SOBP: variants seen among roughly 807,000 people sequenced by gnomAD.
SOBP encodes the protein sine oculis binding protein homolog.
Under a neutral mutation model 53.6 loss-of-function variants are expected in SOBP, and 4 were observed. That is an observed-to-expected ratio of 0.07 (90% confidence interval 0.04 to 0.17). The LOEUF is 0.17. Ranked by LOEUF, SOBP falls within the 10% of genes least tolerant of loss-of-function variation. The probability of loss-of-function intolerance (pLI) is 1.00; values close to 1 mark genes in which losing one functional copy is unlikely to be tolerated. For synonymous variants in SOBP, 584 were observed against 522.6 expected, an observed-to-expected ratio of 1.12 and a Z score of -1.60; for missense variants, 1,088 against 1,204.7, an observed-to-expected ratio of 0.90 and a Z score of 1.43.
chr6:107,566,576 C>T (rs563195301), intron 4 of SOBP, among the ~76,000 whole-genome samples: 4 of 152,300 alleles, frequency 2.6e-5, no homozygotes, highest in South Asian at 2.1e-4. Context: ...CCTTCTCTCA[C>T]GGTGTCTCTG....
At chr6:107,503,573 A>T (rs1782898417) in intron 1 of SOBP, 84 bp from the exon 2 acceptor site, 2 of 1,460,748 alleles carry the variant, frequency 1.4e-6, no homozygotes, top group East Asian at 4.5e-5. Context: ...TAAATGAGGT[A>T]GGACAAGCAG....
rs913300796 is a variant in SOBP, at chr6:107,490,829, C to T, written c.96+117C>T. 5.2e-6 allele frequency: 4 copies of T among 771,380 alleles called. No homozygotes were observed. The Admixed American group carries it at 6.2e-5, about 12-fold the overall frequency. The allele number at this position is 771,380 out of a possible 1,614,324, so 47.8% of individuals were successfully genotyped here. On this transcript the variant is annotated intron_variant, in intron 1 of 6. Transcript: ENST00000317357. ...GCGCTTGTCAGTTTCTGTAGGATGC[C>T]CAGAACGGCTCCGCTCCTCCTCCAG...
Position 107,635,034 on chromosome 6 carries a change from C to T in SOBP, c.2190C>T (p.Ala730=), listed in dbSNP as rs1026644252. The T allele has an allele frequency of 3.2e-6, 4 of 1,250,402 alleles. No individual in the cohort carries two copies. The highest frequency in any genetic ancestry group is 8.8e-5 in the Admixed American group (2 of 22,802). The allele number at this position is 1,250,402 out of a possible 1,614,324, so 77.5% of individuals were successfully genotyped here. ...CNVIVNGTRG[A]AAEGAKSAEP... ...TCATCGTGAACGGCACGCGCGGCGC[C>T]GCCGCCGAGGGCGCTAAGAGCGCGG... The change falls in exon 6 of 7, where the codon GCC becomes GCT. Residue 730 remains alanine (A), a synonymous_variant. Transcript: ENST00000317357. The surrounding 1 kb of genome is among the most constrained non-coding windows in gnomAD (Gnocchi z 4.5).
intron 3 of SOBP, among the ~76,000 whole-genome samples, chr6:107,531,190 G>A (rs1345374785): frequency 1.3e-5 from 2 of 152,226 alleles, no homozygotes; most frequent in Admixed American, 1.3e-4. Flanking sequence ...TTATTTAAAG[G>A]AAGAAATAAT....
rs1433314304 is a variant in SOBP, at chr6:107,658,584, A to C, written c.*381A>C. ...TCAGCGACTGAGGCTGGAAGATGAT[A>C]TGGATTGGAACACAAAAAATCTTTT... On this transcript the variant is annotated 3_prime_UTR_variant, in exon 7 of 7. Coordinates refer to ENST00000317357, the MANE Select transcript of SOBP (RefSeq NM_018013.4). 1 of 152,646 alleles carries C rather than the reference A, an allele frequency of 6.6e-6. No individual in the cohort carries two copies. Among genetic ancestry groups the C allele is most frequent in the Admixed American group, 6.5e-5 (1 of 15,286 alleles). The allele number at this position is 152,646 out of a possible 1,614,324, so 9.5% of individuals were successfully genotyped here.
intron 1 of SOBP, among the ~76,000 whole-genome samples, chr6:107,498,158 C>T (rs1301701058): frequency 1.3e-5 from 2 of 152,280 alleles, no homozygotes; most frequent in East Asian, 3.9e-4. Context: ...TTCCTACCCT[C>T]AAGTAACTTA....
intron 6 of SOBP, among the ~76,000 whole-genome samples, chr6:107,645,431 T>TGA (rs760630496): frequency 6.7e-5 from 10 of 149,476 alleles, no homozygotes; most frequent in Non-Finnish European, 1.5e-4. Context: ...TATTAAAAGA[T>TGA]GAGAGAGAGA....
intron 4 of SOBP, among the ~76,000 whole-genome samples, chr6:107,561,301 A>T (rs572067776): frequency 3.7e-4 from 56 of 152,320 alleles, no homozygotes; most frequent in African/African-American, 1.2e-3. Flanking sequence ...AAAAAATCCA[A>T]GCTAAATATT....
rs368954021 is a variant in SOBP at position 107,526,097 on chromosome 6, G to A, written c.422-7362G>A. On this transcript the variant is annotated intron_variant, in intron 3 of 6. Transcript: ENST00000317357. ...CAAGTAGCTGGGATTACAGGCAGCC[G>A]CCACCATGCCTGGCTAATTTTTTTT... 9.3e-4 allele frequency among the ~76,000 whole-genome samples: 141 copies of A among 152,070 alleles called. 2 individuals are homozygous for A. The South Asian group carries it at 0.028, about 30-fold the overall frequency.
intron 4 of SOBP, among the ~76,000 whole-genome samples, chr6:107,568,573 G>A (rs974061325): frequency 6.6e-6 from 1 of 152,176 alleles, no homozygotes; most frequent in Non-Finnish European, 1.5e-5. Flanking sequence ...TATTAAGCCT[G>A]CTGCTCCTCT....
chr6:107,626,939 AG>A (rs1462879250), intron 5 of SOBP, among the ~76,000 whole-genome samples: 2 of 152,308 alleles, frequency 1.3e-5, no homozygotes, highest in East Asian at 3.9e-4. Context: ...ATGATCACCG[AG>A]GTTCCTTTCA....
At chr6:107,591,829 T>G (rs1045037060) in intron 5 of SOBP, among the ~76,000 whole-genome samples, 1 of 152,180 alleles carries the variant, frequency 6.6e-6, no homozygotes, top group Non-Finnish European at 1.5e-5. Flanking sequence ...ACCCCCATGT[T>G]CCTTTCACCT....
At chr6:107,505,041 A>C (rs1450642663) in intron 2 of SOBP, among the ~76,000 whole-genome samples, 1 of 152,214 alleles carries the variant, frequency 6.6e-6, no homozygotes, top group Non-Finnish European at 1.5e-5. Flanking sequence ...ACATGCAAGG[A>C]TACGATGCAC....
chr6:107,569,053 G>A (rs1784997411), intron 4 of SOBP, among the ~76,000 whole-genome samples: 1 of 152,156 alleles, frequency 6.6e-6, no homozygotes, highest in Admixed American at 6.5e-5. Context: ...TCTATTTGGG[G>A]GGCAGGTAAA....
rs1427388374 is a variant in SOBP at position 107,568,929 on chromosome 6, C to T, written c.574-18151C>T. On this transcript the variant is annotated intron_variant, in intron 4 of 6. Transcript: ENST00000317357. ...TTACACTCCCACACTTTTTTATTAA[C>T]GTATATAAGGCTAATAAAAAAGAAA... Among the ~76,000 whole-genome samples the T allele has an allele frequency of 4.0e-5, 6 of 151,780 alleles. No individual in the cohort carries two copies. In the East Asian group the frequency reaches 5.8e-4, roughly 15 times the overall value.
At chr6:107,566,409 G>T (rs56020786) in intron 4 of SOBP, among the ~76,000 whole-genome samples, 19 of 152,332 alleles carry the variant, frequency 1.2e-4, no homozygotes, top group Non-Finnish European at 2.4e-4. Flanking sequence ...AAGAAAATAA[G>T]CACCAAGACT....
At chr6:107,608,465 TA>T (rs889137499) in intron 5 of SOBP, among the ~76,000 whole-genome samples, 3 of 152,092 alleles carry the variant, frequency 2.0e-5, no homozygotes, top group East Asian at 1.9e-4. Context: ...TTCTTTTCCT[TA>T]AAAAAAATGA....
At chr6:107,611,431 A>G (rs1226938104) in intron 5 of SOBP, among the ~76,000 whole-genome samples, 2 of 152,242 alleles carry the variant, frequency 1.3e-5, no homozygotes, top group African/African-American at 4.8e-5. Context: ...AGTGCAAACC[A>G]TGATAGATGC....
At chr6:107,564,273 T>C (rs977666377) in intron 4 of SOBP, among the ~76,000 whole-genome samples, 1 of 152,158 alleles carries the variant, frequency 6.6e-6, no homozygotes, top group Non-Finnish European at 1.5e-5. Context: ...TCTCAAGAAC[T>C]CCTCATTAAA....
Sources: gnomAD v4.1 joint callset for allele counts (sites outside exome capture counted in the v4.1 genomes callset) on GRCh38, gnomAD v4.1.1 for gene constraint, Gnocchi (gnomAD v3.1) non-coding constraint, MANE v1.5 for transcripts, NCBI Gene and HGNC (gene_info 2026-07-23, HGNC 2026-07-21) for gene names.